ABR: variants seen among roughly 807,000 people sequenced by gnomAD.
ABR encodes active breakpoint cluster region-related protein.
In ABR, 35 loss-of-function variants were observed where a neutral mutation model predicts 107.2. The ratio of observed to expected loss-of-function variants is 0.33; its 90% CI spans 0.25 to 0.43. The LOEUF (loss-of-function observed/expected upper bound fraction) is 0.43. ABR is among the 20% of genes least tolerant of loss of function. ABR has a pLI of 1.00. For synonymous variants in ABR, 498 were observed against 462.0 expected, an observed-to-expected ratio of 1.08 and a Z score of -1.00; for missense variants, 815 against 1,115.2, an observed-to-expected ratio of 0.73 and a Z score of 3.83.
At position 1,018,928 on chromosome 17, in the gene ABR, T is replaced by C. The variant is rs564911195; in HGVS notation, c.1792-5764A>G. On this transcript the variant is annotated intron_variant, in intron 16 of 22. Transcript: ENST00000302538. Reference sequence around the variant, plus strand: ...TAACGAGAGTGAGGAATTTACCCAGTGCACACCTAGGAAGTCAGAGCTGGG... The same window carrying C: ...TAACGAGAGTGAGGAATTTACCCAGCGCACACCTAGGAAGTCAGAGCTGGG... Among the ~76,000 whole-genome samples the C allele has an allele frequency of 7.7e-4, 118 of 152,306 alleles. 1 individual carries two copies. The highest frequency in any genetic ancestry group is 1.3e-3 in the Non-Finnish European group (89 of 68,024).
rs940651146 is a variant in ABR, at chr17:1,125,666, C to CT, written c.62-300dup. 6 of 344,808 alleles carry CT rather than the reference C, an allele frequency of 1.7e-5. No homozygotes were observed. In the Admixed American group the frequency reaches 2.9e-4, roughly 17 times the overall value. 21.4% of individuals were successfully genotyped at this position (344,808 alleles called of 1,614,324 possible). A position where few individuals can be genotyped will look rare whatever the true frequency, so the allele number is the denominator to read the frequency against. ...TTCAAGCTGCTGTTTTCTTTGCCTTCTGCCTAATTCCAAGTGTAAAAATTA... is the reference window on the plus strand; with the variant it reads ...TTCAAGCTGCTGTTTTCTTTGCCTTCTTGCCTAATTCCAAGTGTAAAAATTA... On this transcript the variant is annotated intron_variant, in intron 1 of 22. Coordinates refer to ENST00000302538, the MANE Select transcript of ABR (RefSeq NM_021962.5).
intron 4 of ABR, among the ~76,000 whole-genome samples, chr17:1,088,892 A>ATTTTT (rs56669324): frequency 2.0e-5 from 2 of 102,494 alleles, no homozygotes; most frequent in Non-Finnish European, 3.8e-5. Context: ...GTGCCCAGCC[A>ATTTTT]TTTTTTTTTT....
intron 11 of ABR, 145 bp downstream of exon 11, chr17:1,058,600 G>C: frequency 9.1e-7 from 1 of 1,100,912 alleles, no homozygotes; most frequent in Non-Finnish European, 1.3e-6. Flanking sequence ...AGGGGAGAGC[G>C]AGTCAACAGC....
intron 2 of ABR, among the ~76,000 whole-genome samples, chr17:1,112,237 T>G (rs8069129): frequency 0.051 from 7,740 of 152,298 alleles, 683 homozygotes; most frequent in African/African-American, 0.18. Context: ...CTTGCCGTTC[T>G]CAGGCTCTCG....
intron 1 of ABR, among the ~76,000 whole-genome samples, chr17:1,198,699 C>G (rs2042615241): frequency 6.6e-6 from 1 of 150,722 alleles, no homozygotes; most frequent in Admixed American, 6.6e-5. Flanking sequence ...GTAGTGATGC[C>G]ATCTCGGCTC....
Position 1,100,658 on chromosome 17 carries a change from G to A in ABR, c.324C>T (p.Asn108=), listed in dbSNP as rs1406485954. The change falls in exon 3 of 23, where the codon AAC becomes AAT. Residue 108 remains asparagine, a synonymous_variant. Coordinates refer to ENST00000302538, the MANE Select transcript of ABR (RefSeq NM_021962.5). The stretch of plus-strand genomic sequence containing the variant: ...TCACCAGCAACAGGGCTTCCAGCTG[G>A]TTAATGTAGATCTCTTCGCTGGCCA... ...GFLASEEIYI[N]QLEALLLPMK... 1.2e-6 allele frequency: 2 copies of A among 1,614,210 alleles called. No homozygotes were observed. Among genetic ancestry groups the A allele is most frequent in the Non-Finnish European group, 1.7e-6 (2 of 1,180,048 alleles).
chr17:1,208,872 T>A (rs1213283062), intron 1 of ABR, among the ~76,000 whole-genome samples: 2 of 139,376 alleles, frequency 1.4e-5, no homozygotes, highest in Non-Finnish European at 3.0e-5. Context: ...TGGGTGAGAG[T>A]GTGAGACTCC....
At chr17:1,173,226 C>T (rs2041801613) in intron 1 of ABR, among the ~76,000 whole-genome samples, 1 of 134,114 alleles carries the variant, frequency 7.5e-6, no homozygotes, top group African/African-American at 2.9e-5. Context: ...CCACTCAACA[C>T]ATCACCTCAG....
At position 1,013,125 on chromosome 17, in the gene ABR, C is replaced by T; in HGVS notation, c.1831G>A (p.Asp611Asn). ...QTVETKNWHT[D>N]VIEMNGIKVE... The stretch of plus-strand genomic sequence containing the variant: ...CTCACCCCGTTCATCTCAATCACGT[C>T]CGTGTGCCAGTTCTTGGTCTCCACG... The change falls in exon 17 of 23, where the codon GAC becomes AAC. Residue 611 changes from aspartate (D) to asparagine (N), a missense_variant. Around this residue, in one of 5 missense-constraint regions of ABR, gnomAD observed 92 missense variants for 82.3 expected, o/e 1.12. Transcript: ENST00000302538. 1.9e-6 allele frequency: 3 copies of T among 1,614,178 alleles called. No homozygotes were observed. The highest frequency in any genetic ancestry group is 2.5e-6 in the Non-Finnish European group (3 of 1,180,006).
At chr17:1,226,735 C>T (rs9747955) in intron 1 of ABR, among the ~76,000 whole-genome samples, 90,980 of 149,948 alleles carry the variant, frequency 0.61, 28,616 homozygotes, top group African/African-American at 0.78. Flanking sequence ...CAGTGTGTCA[C>T]GTATATACAT....
chr17:1,191,075 C>T (rs1434340458), upstream of ABR, among the ~76,000 whole-genome samples: 4 of 152,174 alleles, frequency 2.6e-5, no homozygotes, highest in Non-Finnish European at 4.4e-5. Flanking sequence ...CTATACAGTG[C>T]GACACCAGAC....
chr17:1,096,770 C>A (rs1263183467), intron 3 of ABR, among the ~76,000 whole-genome samples: 1 of 141,330 alleles, frequency 7.1e-6, no homozygotes, highest in African/African-American at 2.7e-5. Flanking sequence ...GAACCTGCCC[C>A]GGGTGGAGAG....
chr17:1,137,043 T>C (rs146146740), intron 1 of ABR, among the ~76,000 whole-genome samples: 1,532 of 150,268 alleles, frequency 0.01, 28 homozygotes, highest in African/African-American at 0.035. Flanking sequence ...CTCTTCCTTC[T>C]CTCTCTCCCT....
At chr17:1,040,826 T>C (rs975574681) in intron 16 of ABR, among the ~76,000 whole-genome samples, 1 of 152,214 alleles carries the variant, frequency 6.6e-6, no homozygotes, top group African/African-American at 2.4e-5. Flanking sequence ...CGCTCTGTTC[T>C]CCCAACTAAC....
chr17:1,083,342 T>C (rs556688308), intron 5 of ABR, 178 bp downstream of exon 5: 194 of 296,658 alleles, frequency 6.5e-4, no homozygotes, highest in Middle Eastern at 6.3e-3. Flanking sequence ...ATAAATAAAA[T>C]AGATCGTTTT....
At chr17:1,065,508 G>T (rs1490480838) in intron 10 of ABR, among the ~76,000 whole-genome samples, 3 of 141,152 alleles carry the variant, frequency 2.1e-5, no homozygotes, top group Non-Finnish European at 3.1e-5. Context: ...TGAGGGCTAT[G>T]CATGTTCCTC....
intron 3 of ABR, among the ~76,000 whole-genome samples, chr17:1,093,978 G>A (rs918501944): frequency 3.3e-5 from 5 of 152,092 alleles, no homozygotes; most frequent in South Asian, 2.1e-4. Context: ...TAGAAACAAC[G>A]GCCCCTCAGT....
chr17:1,009,962 G>A (rs2070392943), intron 20 of ABR, 178 bp from the exon 21 acceptor site: 3 of 615,368 alleles, frequency 4.9e-6, no homozygotes, highest in African/African-American at 3.7e-5. Flanking sequence ...GCTTCCTCCA[G>A]GAGGCCCCAC....
intron 1 of ABR, among the ~76,000 whole-genome samples, chr17:1,158,497 T>A (rs1215888594): frequency 6.6e-6 from 1 of 151,422 alleles, no homozygotes; most frequent in Non-Finnish European, 1.5e-5. Context: ...GTGCGGTGGC[T>A]CACACCTGTA....
Sources: gnomAD v4.1 joint callset for allele counts (sites outside exome capture counted in the v4.1 genomes callset) on GRCh38, gnomAD v4.1.1 for gene constraint, gnomAD v4.1.1 regional missense constraint, MANE v1.5 for transcripts, NCBI Gene and HGNC (gene_info 2026-07-23, HGNC 2026-07-21) for gene names.